MESD: variants seen among roughly 807,000 people sequenced by gnomAD.
MESD encodes the protein mesoderm development LRP chaperone, also known as LRP chaperone MESD.
A neutral mutation model predicts 12.9 loss-of-function variants in MESD; 7 were observed. The ratio of observed to expected loss-of-function variants is 0.54; its 90% CI spans 0.31 to 1.02. MESD has a LOEUF of 1.02. Among genes scored for constraint, MESD ranks in the 50% least tolerant of loss-of-function variants. The pLI, the probability that MESD is intolerant of heterozygous loss-of-function variation, is 0.05. For missense variants in MESD, 342 were observed against 296.7 expected (o/e 1.15, Z -1.12); for synonymous variants, 126 against 115.6 (o/e 1.09, Z -0.58).
chr15:80,975,144 G>C (rs1213530496), downstream of MESD, among the ~76,000 whole-genome samples: 2 of 151,356 alleles, frequency 1.3e-5, no homozygotes, highest in Non-Finnish European at 2.9e-5. Flanking sequence ...GTGAATCGGA[G>C]GCCGAGGCAG....
rs191354559 is a variant in MESD at position 80,985,592 on chromosome 15, T to C, written c.214-3410A>G. ...CCCTAGAATATTTGTATTTTTCAGA[T>C]TGATTTCACTAATAATCATGAAATT... is the stretch of plus-strand genomic sequence containing the variant. On this transcript the variant is annotated intron_variant, in intron 1 of 2. Transcript: ENST00000261758. Among the ~76,000 whole-genome samples, 121 of 152,058 alleles carry C rather than the reference T, an allele frequency of 8.0e-4. 2 individuals carry two copies. The highest frequency in any genetic ancestry group is 1.4e-3 in the Non-Finnish European group (96 of 67,992).
rs1902072015 is a variant in MESD, at chr15:80,960,829, GC to G, written c.*289-8534del. ...TACACCCTTCTCTGCCCTGTTTAAGGCCCCAAGAGGCCGAGACATGTCCAGC... is the reference window on the plus strand; with the variant it reads ...TACACCCTTCTCTGCCCTGTTTAAGGCCCAAGAGGCCGAGACATGTCCAGC... On this transcript the variant is annotated intron_variant, in intron 3 of 4. Coordinates refer to the MESD transcript ENST00000561312. 2.0e-5 allele frequency among the ~76,000 whole-genome samples: 3 copies of G among 152,102 alleles called. No individual in the cohort carries two copies. In the South Asian group the frequency reaches 6.2e-4, roughly 32 times the overall value.
rs183616790 is a variant in MESD, at chr15:80,967,990, G to T, written c.*288+10941C>A. Among the ~76,000 whole-genome samples, 21 of 152,366 alleles carry T rather than the reference G, an allele frequency of 1.4e-4. No homozygotes were observed. In the East Asian group the frequency reaches 4.1e-3, roughly 29 times the overall value. On this transcript the variant is annotated intron_variant, in intron 3 of 4. Transcript: ENST00000561312. ...CAGATGCTGGATCAAGTGGAAAGGG[G>T]TCCAACATCTCAAGTTTCTGGCTTG...
rs1902480917 is a variant in MESD at position 80,978,500 on chromosome 15, A to T, written c.*719T>A. On this transcript the variant is annotated 3_prime_UTR_variant, in exon 3 of 3. Transcript: ENST00000261758. ...TAAATCCTTTAAAACTGTCACATTA[A>T]ATGGAACATATAACCCCTCGACACC... 6.6e-6 allele frequency: 1 copy of T among 152,248 alleles called. No individual in the cohort carries two copies. The highest frequency in any genetic ancestry group is 1.5e-5 in the Non-Finnish European group (1 of 68,056). The allele number at this position is 152,248 out of a possible 1,614,324, so 9.4% of individuals were successfully genotyped here.
exon 4 of MESD, chr15:80,952,104 C>G (rs1488592649): frequency 2.2e-6 from 1 of 447,338 alleles, no homozygotes; most frequent in African/African-American, 2.0e-5. Flanking sequence ...CACTTCAACT[C>G]CCCTCCCCGA....
In MESD at chr15:80,954,297, A is replaced by G. The variant is rs573314086; in HGVS notation, c.*289-2001T>C. ...CAGAGCATAGGCCATAGGTTTTCCCATATCTGGCAGAGTTCTGTTGGGTAA... is the reference window on the plus strand; with the variant it reads ...CAGAGCATAGGCCATAGGTTTTCCCGTATCTGGCAGAGTTCTGTTGGGTAA... On this transcript the variant is annotated intron_variant, in intron 3 of 4. Coordinates refer to the MESD transcript ENST00000561312. Among the ~76,000 whole-genome samples the G allele has an allele frequency of 8.9e-4, 135 of 152,264 alleles. 1 individual carries two copies. Among genetic ancestry groups the G allele is most frequent in the African/African-American group, 3.2e-3 (132 of 41,546 alleles).
At chr15:80,987,581 C>G (rs977182442) in intron 1 of MESD, among the ~76,000 whole-genome samples, 4 of 151,872 alleles carry the variant, frequency 2.6e-5, no homozygotes, top group African/African-American at 9.7e-5. Context: ...CTCCACCTCC[C>G]TGGTTCAAGC....
chr15:80,972,840 G>A (rs1902319318), downstream of MESD, among the ~76,000 whole-genome samples: 1 of 152,170 alleles, frequency 6.6e-6, no homozygotes, highest in South Asian at 2.1e-4. Context: ...GGCCAACATG[G>A]TGAAACCCTG....
chr15:80,969,171 C>T (rs1179376703), intron 3 of MESD, among the ~76,000 whole-genome samples: 1 of 152,046 alleles, frequency 6.6e-6, no homozygotes, highest in Non-Finnish European at 1.5e-5. Flanking sequence ...GCGTGAGCAA[C>T]AGAGTGAGAC....
At chr15:80,970,532 G>GT (rs1340796114) in intron 3 of MESD, 2 of 152,216 alleles carry the variant, frequency 1.3e-5, no homozygotes, top group Admixed American at 1.3e-4. Context: ...GGGAAGTGTT[G>GT]TACTTTCTGA....
At chr15:80,950,680 T>G (rs916440852) in intron 4 of MESD, 3 of 152,652 alleles carry the variant, frequency 2.0e-5, no homozygotes, top group African/African-American at 7.2e-5. Flanking sequence ...TGAACAGCTA[T>G]TGGGTCCACC....
intron 3 of MESD, among the ~76,000 whole-genome samples, chr15:80,966,361 T>C (rs1002215012): frequency 6.6e-6 from 1 of 152,242 alleles, no homozygotes; most frequent in African/African-American, 2.4e-5. Context: ...AAATAAATTA[T>C]GGCCTCATTT....
At chr15:80,973,145 T>TG (rs1902327804), downstream of MESD, among the ~76,000 whole-genome samples, 1 of 152,228 alleles carries the variant, frequency 6.6e-6, no homozygotes, top group Non-Finnish European at 1.5e-5. Context: ...TCAGATGTAA[T>TG]GGACTCAAAG....
chr15:80,975,895 T>C lies in MESD; in HGVS notation c.*3324A>G, dbSNP rs919841704. ...GTGGTGGGAAGATCAATTGAGCCGG[T>C]AGGTAGAGACTTCAGTGAGCCGTGA... is the stretch of plus-strand genomic sequence containing the variant. On this transcript the variant is annotated 3_prime_UTR_variant, in exon 3 of 3. Coordinates refer to ENST00000261758, the MANE Select transcript of MESD (RefSeq NM_015154.3). 6.6e-6 allele frequency: 1 copy of C among 152,178 alleles called. No homozygotes were observed. Among genetic ancestry groups the C allele is most frequent in the African/African-American group, 2.4e-5 (1 of 41,446 alleles). The allele number at this position is 152,178 out of a possible 1,614,324, so 9.4% of individuals were successfully genotyped here.
intron 3 of MESD, among the ~76,000 whole-genome samples, chr15:80,970,179 TAG>T (rs536793263): frequency 7.1e-4 from 108 of 152,290 alleles, no homozygotes; most frequent in Non-Finnish European, 1.3e-3. Flanking sequence ...AGTGGCAAAT[TAG>T]AGACACATGG....
chr15:80,976,920 C>T lies in MESD; in HGVS notation c.*2299G>A, dbSNP rs968806561. Reference sequence around the variant, plus strand: ...TGGCCTGCACTACTGAAGCACCTCCCAGCTCACGGCTCACACCTGCTGGGG... The same window carrying T: ...TGGCCTGCACTACTGAAGCACCTCCTAGCTCACGGCTCACACCTGCTGGGG... On this transcript the variant is annotated 3_prime_UTR_variant, in exon 3 of 3. Coordinates refer to ENST00000261758, the MANE Select transcript of MESD (RefSeq NM_015154.3). 1.3e-5 allele frequency: 2 copies of T among 152,384 alleles called. No homozygotes were observed. The highest frequency in any genetic ancestry group is 4.8e-5 in the African/African-American group (2 of 41,438). The allele number at this position is 152,384 out of a possible 1,614,324, so 9.4% of individuals were successfully genotyped here. A position where few individuals can be genotyped will look rare whatever the true frequency, so the allele number is the denominator to read the frequency against.
chr15:80,973,926 G>A (rs1428615482), downstream of MESD, among the ~76,000 whole-genome samples: 1 of 152,134 alleles, frequency 6.6e-6, no homozygotes, highest in African/African-American at 2.4e-5. Flanking sequence ...CCGGAGATCG[G>A]AAGAGAAAGG....
downstream of MESD, chr15:80,975,623 A>T (rs917290865): frequency 6.8e-6 from 1 of 147,252 alleles, no homozygotes; most frequent in Admixed American, 6.8e-5. Flanking sequence ...GTTTAATTTA[A>T]AAAAAAAAAA....
At chr15:80,985,222 T>C (rs1902696435) in intron 1 of MESD, among the ~76,000 whole-genome samples, 1 of 152,250 alleles carries the variant, frequency 6.6e-6, no homozygotes, top group Admixed American at 6.5e-5. Context: ...TCCATCACTA[T>C]GTGGCCTTGG....
Sources: gnomAD v4.1 joint callset for allele counts (sites outside exome capture counted in the v4.1 genomes callset) on GRCh38, gnomAD v4.1.1 for gene constraint, MANE v1.5 for transcripts, NCBI Gene and HGNC (gene_info 2026-07-23, HGNC 2026-07-21) for gene names.